The following NKAIN1 variants were observed in gnomAD, a reference collection of about 807,000 sequenced individuals.
The protein encoded by NKAIN1 is sodium/potassium transporting ATPase interacting 1.
NKAIN1 carries 13 observed loss-of-function variants against 31.6 expected under a neutral mutation model. That is an observed-to-expected ratio of 0.41 (90% CI 0.27 to 0.65). NKAIN1 has a LOEUF of 0.65. Ranked by LOEUF, NKAIN1 falls within the 30% of genes least tolerant of loss-of-function variation. The pLI is 0.30. For missense variants in NKAIN1, 193 were observed against 262.2 expected, an observed-to-expected ratio of 0.74 and a Z score of 1.82; for synonymous variants, 104 against 109.0, an observed-to-expected ratio of 0.95 and a Z score of 0.28.
intron 4 of NKAIN1, among the ~76,000 whole-genome samples, chr1:31,182,972 T>TCTTCC (rs1333196303): frequency 1.3e-5 from 2 of 152,048 alleles, no homozygotes; most frequent in Non-Finnish European, 2.9e-5. Context: ...CTTTTTTTTT[T>TCTTCC]CTTCCCTTCC....
At chr1:31,194,413 C>CTTT (rs1234303404) in intron 1 of NKAIN1, among the ~76,000 whole-genome samples, 4 of 130,658 alleles carry the variant, frequency 3.1e-5, no homozygotes, top group Non-Finnish European at 3.3e-5. Context: ...TCCTTCCTTC[C>CTTT]TTTTTTTTTT....
At chr1:31,205,613 G>GTTTTTTTTTTTT (rs761138403) in intron 1 of NKAIN1, among the ~76,000 whole-genome samples, 1 of 96,526 alleles carries the variant, frequency 1.0e-5, no homozygotes, top group African/African-American at 4.1e-5. Context: ...AGCCGGACAA[G>GTTTTTTTTTTTT]TTTTTTTTTT....
chr1:31,199,277 C>T (rs1444636361), intron 1 of NKAIN1, among the ~76,000 whole-genome samples: 2 of 152,308 alleles, frequency 1.3e-5, no homozygotes, highest in East Asian at 1.9e-4. Context: ...AAGTTATCCC[C>T]CTCTCTGAGC....
intron 1 of NKAIN1, among the ~76,000 whole-genome samples, chr1:31,234,110 G>A (rs936708342): frequency 1.3e-5 from 2 of 152,208 alleles, no homozygotes; most frequent in African/African-American, 4.8e-5. Flanking sequence ...TAAGGGCCTC[G>A]AGGGCAGTTT....
intron 1 of NKAIN1, among the ~76,000 whole-genome samples, chr1:31,223,090 T>A (rs1645575955): frequency 6.6e-6 from 1 of 152,018 alleles, no homozygotes; most frequent in African/African-American, 2.4e-5. Context: ...AAATGCTCCA[T>A]AAACGGCCAG....
intron 1 of NKAIN1, among the ~76,000 whole-genome samples, chr1:31,209,919 C>T (rs1444368565): frequency 1.3e-5 from 2 of 150,112 alleles, no homozygotes; most frequent in East Asian, 2.0e-4. Context: ...CCCAGGAGGT[C>T]GAGGCTGCAG....
chr1:31,197,139 T>A (rs897357845), intron 1 of NKAIN1, among the ~76,000 whole-genome samples: 11 of 145,240 alleles, frequency 7.6e-5, no homozygotes, highest in South Asian at 4.7e-4. Context: ...TGAGACAGAA[T>A]CTCACTCTGC....
At chr1:31,196,773 C>T (rs954801368) in intron 1 of NKAIN1, among the ~76,000 whole-genome samples, 6 of 151,626 alleles carry the variant, frequency 4.0e-5, no homozygotes, top group Admixed American at 3.3e-4. Context: ...AATTTCAGTC[C>T]TCATCTTACC....
At chr1:31,223,690 T>C (rs1392868806) in intron 1 of NKAIN1, among the ~76,000 whole-genome samples, 1 of 152,170 alleles carries the variant, frequency 6.6e-6, no homozygotes, top group South Asian at 2.1e-4. Context: ...GTGATTCGCC[T>C]GCCTCGGCCT....
At chr1:31,229,893 A>G (rs2148367339) in intron 1 of NKAIN1, among the ~76,000 whole-genome samples, 1 of 152,324 alleles carries the variant, frequency 6.6e-6, no homozygotes, top group Non-Finnish European at 1.5e-5. Flanking sequence ...ATACAGAGCA[A>G]GAGAGAGGCC....
At chr1:31,208,133 G>C (rs145775291) in intron 1 of NKAIN1, among the ~76,000 whole-genome samples, 1 of 152,112 alleles carries the variant, frequency 6.6e-6, no homozygotes, top group Non-Finnish European at 1.5e-5. Flanking sequence ...GATGTGTTCT[G>C]TTCAAATCCC....
Position 31,188,070 on chromosome 1 carries a change from G to A in NKAIN1, c.172C>T (p.Arg58Cys), listed in dbSNP as rs773492295. The change falls in exon 2 of 7, where the codon CGC (arginine) becomes TGC (cysteine). Residue 58 changes from arginine (R) to cysteine (C), a missense_variant. Coordinates refer to ENST00000373736, the MANE Select transcript of NKAIN1 (RefSeq NM_024522.3). ...ILGIFGTVQY[R>C]SRYLILYAAW... ...CGTACCAGGATGAGGTACCGGGAGCGGTACTGCACGGTGCCAAAGATGCCC... is the reference window on the plus strand; with the variant it reads ...CGTACCAGGATGAGGTACCGGGAGCAGTACTGCACGGTGCCAAAGATGCCC... The A allele has an allele frequency of 1.0e-5, 16 of 1,553,594 alleles. No individual in the cohort carries two copies. The highest frequency in any genetic ancestry group is 1.3e-5 in the Non-Finnish European group (15 of 1,148,246).
intron 4 of NKAIN1, 114 bp downstream of exon 4, chr1:31,183,703 C>T: frequency 8.9e-7 from 1 of 1,123,494 alleles, no homozygotes; most frequent in Non-Finnish European, 1.3e-6. Context: ...CAGCCATGGC[C>T]TCCCAAAGTG....
chr1:31,183,080 C>T (rs1440006848), intron 4 of NKAIN1, among the ~76,000 whole-genome samples: 1 of 152,142 alleles, frequency 6.6e-6, no homozygotes, highest in Non-Finnish European at 1.5e-5. Flanking sequence ...GCTTCAACCT[C>T]CTGGGCTCAA....
chr1:31,232,412 TATATATATATATAG>T (rs1323678647), intron 1 of NKAIN1, among the ~76,000 whole-genome samples: 2 of 32,780 alleles, frequency 6.1e-5, no homozygotes, highest in Non-Finnish European at 1.2e-4. Flanking sequence ...TATATATATA[TATATATATATATAG>T]AGAGAGAGAG....
At chr1:31,197,237 G>A (rs184468622) in intron 1 of NKAIN1, among the ~76,000 whole-genome samples, 2 of 150,072 alleles carry the variant, frequency 1.3e-5, no homozygotes, top group Non-Finnish European at 3.0e-5. Flanking sequence ...TCAGCCTCCC[G>A]AGTAGCTGGG....
chr1:31,230,930 C>T (rs575995403), intron 1 of NKAIN1, among the ~76,000 whole-genome samples: 189 of 144,124 alleles, frequency 1.3e-3, no homozygotes, highest in Admixed American at 3.3e-3. Flanking sequence ...TTGCCCAGGC[C>T]GGAGTGTAGT....
intron 1 of NKAIN1, among the ~76,000 whole-genome samples, chr1:31,197,545 CTT>C (rs754860679): frequency 9.0e-6 from 1 of 111,384 alleles, no homozygotes; most frequent in Non-Finnish European, 1.8e-5. Context: ...CGTGCCCGGC[CTT>C]TTTTTTTTTT....
intron 1 of NKAIN1, among the ~76,000 whole-genome samples, chr1:31,219,571 C>T (rs1002610034): frequency 1.3e-5 from 2 of 152,240 alleles, no homozygotes; most frequent in African/African-American, 4.8e-5. Flanking sequence ...GGGAAAGGGG[C>T]ATGGCCAGAG....
Sources: gnomAD v4.1 joint callset for allele counts (sites outside exome capture counted in the v4.1 genomes callset) on GRCh38, gnomAD v4.1.1 for gene constraint, MANE v1.5 for transcripts, NCBI Gene and HGNC (gene_info 2026-07-23, HGNC 2026-07-21) for gene names.